The following CFAP77 variants were observed in gnomAD, a reference collection of about 807,000 sequenced individuals.
CFAP77 encodes cilia and flagella associated protein 77, also known as cilia- and flagella-associated protein 77.
In CFAP77, 25 loss-of-function variants were observed where a neutral mutation model predicts 31.1. The observed-to-expected ratio is 0.80, with a 90% CI of 0.59 to 1.12. The LOEUF (loss-of-function observed/expected upper bound fraction) is 1.12. Ranked by LOEUF, CFAP77 falls within the 50% of genes most tolerant of loss-of-function variation. The pLI is 0.00. For synonymous variants in CFAP77, 151 were observed against 159.9 expected, an observed-to-expected ratio of 0.94 and a Z score of 0.42; for missense variants, 377 against 397.3, an observed-to-expected ratio of 0.95 and a Z score of 0.44.
chr9:132,532,921 C>T (rs759895645), intron 3 of CFAP77, among the ~76,000 whole-genome samples: 26 of 152,166 alleles, frequency 1.7e-4, no homozygotes, highest in Non-Finnish European at 2.6e-4. Context: ...GATATGGTGG[C>T]GCACGCCTGA....
chr9:132,433,336 C>A (rs80108428), intron 1 of CFAP77, among the ~76,000 whole-genome samples: 1 of 152,274 alleles, frequency 6.6e-6, no homozygotes, highest in Non-Finnish European at 1.5e-5. Context: ...CGTGTGTGAG[C>A]TCTTCTAGCC....
At chr9:132,515,259 G>C (rs11243807) in intron 3 of CFAP77, among the ~76,000 whole-genome samples, 12,540 of 152,152 alleles carry the variant, frequency 0.082, 614 homozygotes, top group South Asian at 0.13. Context: ...ACCCCGGCTC[G>C]ACATTCTGAG....
In CFAP77 at chr9:132,416,329, ATTTTTT is replaced by A. The variant is rs71503303; in HGVS notation, c.195+5886_195+5891del. Among the ~76,000 whole-genome samples, 200 of 60,310 alleles carry A rather than the reference ATTTTTT, an allele frequency of 3.3e-3. 6 individuals carry two copies. Among genetic ancestry groups the A allele is most frequent in the African/African-American group, 8.7e-3 (150 of 17,334 alleles). The allele number at this position is 60,310 out of a possible 152,430, so 39.6% of individuals were successfully genotyped here. On this transcript the variant is annotated intron_variant, in intron 1 of 5. Transcript: ENST00000393216. Reference sequence around the variant, plus strand: ...ATAACTGTTGAGTGCTTCTTATCTGATTTTTTTTTTTTTTTTTTTTTTTTTTTTGAG... The same window carrying A: ...ATAACTGTTGAGTGCTTCTTATCTGATTTTTTTTTTTTTTTTTTTTTTGAG...
rs989288796 is a variant in CFAP77, at chr9:132,572,851, G to A, written c.*341G>A. 3.0e-4 allele frequency: 96 copies of A among 325,230 alleles called. No individual in the cohort carries two copies. Among genetic ancestry groups the A allele is most frequent in the African/African-American group, 1.8e-3 (82 of 46,628 alleles). 20.1% of individuals were successfully genotyped at this position (325,230 alleles called of 1,614,324 possible). On this transcript the variant is annotated 3_prime_UTR_variant, in exon 6 of 6. Coordinates refer to ENST00000393216, the MANE Select transcript of CFAP77 (RefSeq NM_001282957.2). ...TTTTTTAGACTCCAGGCTAAGGGTC[G>A]ATTCCATGGCTCTGCCCATTAAGTG... is the stretch of plus-strand genomic sequence containing the variant.
In CFAP77 at chr9:132,551,340, C is replaced by T. The variant is rs1852817118; in HGVS notation, c.732+8293C>T. Among the ~76,000 whole-genome samples, 3 of 151,686 alleles carry T rather than the reference C, an allele frequency of 2.0e-5. No homozygotes were observed. The South Asian group carries it at 6.2e-4, about 32-fold the overall frequency. ...TTAAGATGGAGTCTCACTCTGTTGC[C>T]CAGGCTGGAGTGCAGTGGCACAATT... is the stretch of plus-strand genomic sequence containing the variant. On this transcript the variant is annotated intron_variant, in intron 5 of 5. Coordinates refer to ENST00000393216, the MANE Select transcript of CFAP77 (RefSeq NM_001282957.2).
chr9:132,538,567 C>T (rs1230563396), intron 4 of CFAP77, among the ~76,000 whole-genome samples: 2 of 152,002 alleles, frequency 1.3e-5, no homozygotes, highest in East Asian at 1.9e-4. Flanking sequence ...GGGTGGATCA[C>T]CTGGTTTGAG....
Position 132,490,147 on chromosome 9 carries a change from C to A in CFAP77, c.196-8548C>A, listed in dbSNP as rs1051824558. On this transcript the variant is annotated intron_variant, in intron 1 of 5. Coordinates refer to ENST00000393216, the MANE Select transcript of CFAP77 (RefSeq NM_001282957.2). This position sits in a 1 kb window ranked among gnomAD's most constrained non-coding sequence, Gnocchi z 4.6. ...GACGGACAGAAGGGGATAAAAAGGGCGAACTCCCTCCATCAAGGCCTTTTA... is the reference window on the plus strand; with the variant it reads ...GACGGACAGAAGGGGATAAAAAGGGAGAACTCCCTCCATCAAGGCCTTTTA... 6.6e-6 allele frequency among the ~76,000 whole-genome samples: 1 copy of A among 151,970 alleles called. No homozygotes were observed. Among genetic ancestry groups the A allele is most frequent in the Non-Finnish European group, 1.5e-5 (1 of 68,004 alleles).
chr9:132,415,398 A>G (rs1850078663), intron 1 of CFAP77, among the ~76,000 whole-genome samples: 1 of 152,186 alleles, frequency 6.6e-6, no homozygotes, highest in Non-Finnish European at 1.5e-5. Flanking sequence ...CATTTCAGAA[A>G]GCCGAGCTGC....
intron 3 of CFAP77, among the ~76,000 whole-genome samples, chr9:132,529,869 A>G (rs1852408462): frequency 6.6e-6 from 1 of 151,882 alleles, no homozygotes; most frequent in Admixed American, 6.6e-5. Flanking sequence ...GAAACTGCCA[A>G]ACAGTTTTCC....
At chr9:132,464,137 A>G (rs982297306) in intron 1 of CFAP77, among the ~76,000 whole-genome samples, 1 of 152,208 alleles carries the variant, frequency 6.6e-6, no homozygotes, top group African/African-American at 2.4e-5. Context: ...TTCCCAGCAA[A>G]TGGCACCTAA....
intron 1 of CFAP77, among the ~76,000 whole-genome samples, chr9:132,434,207 A>C (rs1271737042): frequency 6.6e-6 from 1 of 152,160 alleles, no homozygotes; most frequent in Non-Finnish European, 1.5e-5. Flanking sequence ...CTCCTCTGGA[A>C]GTCTTTCCAG....
chr9:132,513,322 C>T lies in CFAP77; in HGVS notation c.524+13722C>T, dbSNP rs1041233605. 29 of 1,548,436 alleles carry T rather than the reference C, an allele frequency of 1.9e-5. No homozygotes were observed. In the African/African-American group the frequency reaches 1.9e-4, roughly 10 times the overall value. On this transcript the variant is annotated intron_variant, in intron 3 of 5. Transcript: ENST00000393216. The stretch of plus-strand genomic sequence containing the variant: ...TAACTAACTCCCGTGAACCCACTAC[C>T]TGGATTTAGCACGCTAACCATCTGG...
chr9:132,479,355 T>TTGTTCATCCC (rs1851406210), intron 1 of CFAP77, among the ~76,000 whole-genome samples: 2 of 152,042 alleles, frequency 1.3e-5, no homozygotes, highest in African/African-American at 2.4e-5. Context: ...TTGTTCATCC[T>TTGTTCATCCC]ACCATCGTGC....
rs58108071 is a variant in CFAP77, at chr9:132,519,812, GTGGATGGATGGATGGA to G, written c.525-17769_525-17754del. Among the ~76,000 whole-genome samples the G allele has an allele frequency of 6.9e-3, 805 of 116,862 alleles. 16 individuals carry two copies. Among genetic ancestry groups the G allele is most frequent in the African/African-American group, 0.027 (757 of 28,290 alleles). 76.7% of individuals were successfully genotyped at this position (116,862 alleles called of 152,430 possible). A position where few individuals can be genotyped will look rare whatever the true frequency, so the allele number is the denominator to read the frequency against. ...GATGGATGGATGGATGAATGGGTGG[GTGGATGGATGGATGGA>G]TGGATGGATGGATGGATGGGTGGGT... On this transcript the variant is annotated intron_variant, in intron 3 of 5. Coordinates refer to ENST00000393216, the MANE Select transcript of CFAP77 (RefSeq NM_001282957.2).
intron 1 of CFAP77, among the ~76,000 whole-genome samples, chr9:132,482,003 A>G (rs1257621966): frequency 1.4e-5 from 2 of 144,600 alleles, no homozygotes. Flanking sequence ...TTTCTTCCCT[A>G]TTACATGATG....
intron 1 of CFAP77, among the ~76,000 whole-genome samples, chr9:132,486,207 C>T (rs1024164424): frequency 1.0e-4 from 15 of 147,280 alleles, no homozygotes; most frequent in Non-Finnish European, 1.8e-4. Flanking sequence ...GTTCTCCTGC[C>T]TCAGCCTCCC....
At chr9:132,519,744 ATGGATGGG>A (rs1433955763) in intron 3 of CFAP77, among the ~76,000 whole-genome samples, 1 of 127,440 alleles carries the variant, frequency 7.8e-6, no homozygotes, top group African/African-American at 3.1e-5. Flanking sequence ...GGATGGATGG[ATGGATGGG>A]TGGATGGATG....
At chr9:132,551,282 C>CTT (rs35744884) in intron 5 of CFAP77, among the ~76,000 whole-genome samples, 13 of 143,304 alleles carry the variant, frequency 9.1e-5, no homozygotes, top group East Asian at 2.0e-4. Context: ...CCTGGGTGCC[C>CTT]TTTTTTTTTT....
At chr9:132,496,586 T>C (rs556822799) in intron 1 of CFAP77, among the ~76,000 whole-genome samples, 5 of 152,250 alleles carry the variant, frequency 3.3e-5, no homozygotes, top group African/African-American at 7.2e-5. Flanking sequence ...GATGGAATCA[T>C]GCAGGATGCG....
Sources: allele counts gnomAD v4.1 joint callset (sites outside exome capture counted in the v4.1 genomes callset), GRCh38; gene constraint gnomAD v4.1.1; non-coding constraint Gnocchi (gnomAD v3.1); transcripts MANE v1.5; gene names NCBI Gene and HGNC (gene_info 2026-07-23, HGNC 2026-07-21).